Variants in APBB2 observed in about 807,000 individuals in gnomAD.
The protein encoded by APBB2 is amyloid beta precursor protein binding family B member 2, also known as Fe65-like 1.
In APBB2, 38 loss-of-function variants were observed where a neutral mutation model predicts 82.5. That is an observed-to-expected ratio of 0.46 (90% confidence interval 0.36 to 0.60). APBB2 has a LOEUF of 0.60. Among genes scored for constraint, APBB2 ranks in the 20% least tolerant of loss-of-function variants. The pLI is 0.00. For missense variants in APBB2, 772 were observed against 972.3 expected (o/e 0.79, Z 2.74); for synonymous variants, 341 against 368.2 (o/e 0.93, Z 0.85).
chr4:41,015,453 T>C (rs1809638996), intron 5 of APBB2, among the ~76,000 whole-genome samples: 1 of 152,222 alleles, frequency 6.6e-6, no homozygotes. Flanking sequence ...CTGAAATTCC[T>C]GAAATTATAT....
chr4:40,920,670 G>C (rs1347425912), intron 10 of APBB2, among the ~76,000 whole-genome samples: 1 of 152,164 alleles, frequency 6.6e-6, no homozygotes, highest in Non-Finnish European at 1.5e-5. Context: ...TCAGTGGTTC[G>C]AGACCAGCCT....
chr4:40,879,239 C>T (rs1196916589), intron 12 of APBB2, among the ~76,000 whole-genome samples: 1 of 151,820 alleles, frequency 6.6e-6, no homozygotes. Context: ...TGCAGCCTCA[C>T]ATGGACTCAC....
At chr4:41,166,050 A>T (rs979120786) in intron 1 of APBB2, among the ~76,000 whole-genome samples, 2 of 150,936 alleles carry the variant, frequency 1.3e-5, no homozygotes, top group Non-Finnish European at 3.0e-5. Flanking sequence ...ATTTTTTTGT[A>T]TTTTTAGTAG....
intron 6 of APBB2, among the ~76,000 whole-genome samples, chr4:41,006,856 G>A (rs999075030): frequency 3.3e-5 from 5 of 152,304 alleles, no homozygotes; most frequent in East Asian, 1.9e-4. Context: ...ACAGTTAGAA[G>A]AGGTTTCTAA....
intron 1 of APBB2, among the ~76,000 whole-genome samples, chr4:41,166,551 C>T (rs1414720422): frequency 1.4e-5 from 2 of 148,122 alleles, no homozygotes; most frequent in East Asian, 2.0e-4. Context: ...GCACTCCAGC[C>T]GGGTCAACAG....
intron 1 of APBB2, among the ~76,000 whole-genome samples, chr4:41,147,771 G>A (rs936003866): frequency 2.0e-5 from 3 of 152,006 alleles, no homozygotes; most frequent in Admixed American, 6.6e-5. Flanking sequence ...ATGTCACAGG[G>A]AAGGTCTCTC....
chr4:40,840,481 A>AC, intron 12 of APBB2, among the ~76,000 whole-genome samples: 1 of 152,192 alleles, frequency 6.6e-6, no homozygotes, highest in Non-Finnish European at 1.5e-5. Context: ...AAACACACAC[A>AC]TGTAAGACTC....
At chr4:40,934,391 T>C (rs751499707) in intron 10 of APBB2, 65 bp downstream of exon 10, 6 of 1,483,356 alleles carry the variant, frequency 4.0e-6, no homozygotes, top group Non-Finnish European at 4.7e-6. Context: ...AACTGGACAA[T>C]GATCCAAAGT....
chr4:40,995,546 A>C (rs1310476432), intron 6 of APBB2, among the ~76,000 whole-genome samples: 1 of 151,006 alleles, frequency 6.6e-6, no homozygotes, highest in African/African-American at 2.5e-5. Context: ...TAAAAAAAAA[A>C]AATTTTTTTT....
chr4:40,982,409 G>GA lies in APBB2; in HGVS notation c.835+31173dup, dbSNP rs1799250789. ...AAGGAAGGAAAGGAAAGGAAAGAAA[G>GA]AAAGAAAGAAAGAAAGAAAGAAAGA... On this transcript the variant is annotated intron_variant, in intron 6 of 17. Coordinates refer to ENST00000508593, the MANE Select transcript of APBB2 (RefSeq NM_004307.2). Among the ~76,000 whole-genome samples, 2 of 87,006 alleles carry GA rather than the reference G, an allele frequency of 2.3e-5. 1 individual carries two copies. Among genetic ancestry groups the GA allele is most frequent in the African/African-American group, 1.1e-4 (2 of 17,932 alleles). The allele number at this position is 87,006 out of a possible 152,430, so 57.1% of individuals were successfully genotyped here.
chr4:40,966,377 AGGCAT>A (rs1308123530), intron 6 of APBB2, among the ~76,000 whole-genome samples: 1 of 152,134 alleles, frequency 6.6e-6, no homozygotes, highest in Non-Finnish European at 1.5e-5. Context: ...GCAGTGGAGG[AGGCAT>A]GGCCAGGGCT....
At chr4:40,947,677 A>G (rs961017839) in intron 6 of APBB2, among the ~76,000 whole-genome samples, 1 of 152,256 alleles carries the variant, frequency 6.6e-6, no homozygotes, top group Non-Finnish European at 1.5e-5. Context: ...ACAGATGCAA[A>G]GTGGGCACAC....
chr4:40,907,379 A>ATATATATTT (rs1491382228), intron 10 of APBB2, among the ~76,000 whole-genome samples: 2 of 37,396 alleles, frequency 5.3e-5, no homozygotes, highest in African/African-American at 2.5e-4. Context: ...ATATATATAT[A>ATATATATTT]TTTTTTTTTT....
intron 3 of APBB2, among the ~76,000 whole-genome samples, chr4:41,089,404 T>G (rs911514800): frequency 2.6e-5 from 4 of 152,204 alleles, no homozygotes; most frequent in African/African-American, 9.7e-5. Context: ...GTGTCAGATA[T>G]CTATTTTCGT....
At chr4:41,137,383 G>A (rs1560849555) in intron 2 of APBB2, among the ~76,000 whole-genome samples, 1 of 151,870 alleles carries the variant, frequency 6.6e-6, no homozygotes, top group African/African-American at 2.4e-5. Context: ...GAAAAACAAA[G>A]CACTGCTTAA....
intron 2 of APBB2, among the ~76,000 whole-genome samples, chr4:41,101,978 A>T (rs182972737): frequency 3.8e-4 from 58 of 152,060 alleles, no homozygotes; most frequent in African/African-American, 1.3e-3. Flanking sequence ...AAAAGAAAAG[A>T]AAAAGAAAAA....
At chr4:40,979,539 C>T (rs1174187135) in intron 6 of APBB2, among the ~76,000 whole-genome samples, 1 of 152,180 alleles carries the variant, frequency 6.6e-6, no homozygotes, top group Non-Finnish European at 1.5e-5. Context: ...TAAAAAGAGA[C>T]TATTCTGTAT....
chr4:40,823,412 T>G (rs1748678548), intron 16 of APBB2, among the ~76,000 whole-genome samples: 1 of 152,130 alleles, frequency 6.6e-6, no homozygotes, highest in South Asian at 2.1e-4. Flanking sequence ...CTGGGGCACA[T>G]GAGGAAGACA....
At chr4:40,818,056 A>T (rs2154293520) in intron 17 of APBB2, among the ~76,000 whole-genome samples, 1 of 152,356 alleles carries the variant, frequency 6.6e-6, no homozygotes, top group South Asian at 2.1e-4. Context: ...ATTTTGCCAA[A>T]ATGTCTTCTG....
Sources: allele counts gnomAD v4.1 joint callset (sites outside exome capture counted in the v4.1 genomes callset), GRCh38; gene constraint gnomAD v4.1.1; transcripts MANE v1.5; gene names NCBI Gene and HGNC (gene_info 2026-07-23, HGNC 2026-07-21).